Variants in ATXN1 observed in about 807,000 individuals in gnomAD.
The protein encoded by ATXN1 is ataxin-1.
ATXN1 carries 8 observed loss-of-function variants against 56.4 expected under a neutral mutation model. The observed-to-expected ratio is 0.14, with a 90% CI of 0.08 to 0.26. ATXN1 has a LOEUF of 0.26. Ranked by LOEUF, ATXN1 falls within the 10% of genes least tolerant of loss-of-function variation. The pLI, the probability that ATXN1 is intolerant of heterozygous loss-of-function variation, is 1.00. For missense variants in ATXN1, 987 were observed against 1,106.5 expected (o/e 0.89, Z 1.53); for synonymous variants, 514 against 494.6 (o/e 1.04, Z -0.52).
intron 6 of ATXN1, among the ~76,000 whole-genome samples, chr6:16,454,485 C>T (rs983222492): frequency 3.3e-5 from 5 of 152,204 alleles, no homozygotes; most frequent in African/African-American, 1.2e-4. Flanking sequence ...GCAATCCATA[C>T]TTGGATATAC....
At chr6:16,647,797 CG>C (rs1763825810) in intron 3 of ATXN1, among the ~76,000 whole-genome samples, 1 of 152,140 alleles carries the variant, frequency 6.6e-6, no homozygotes, top group African/African-American at 2.4e-5. Flanking sequence ...AAAATAAGGC[CG>C]GGCGCAGTGG....
At chr6:16,671,431 G>A (rs1322685002) in intron 2 of ATXN1, among the ~76,000 whole-genome samples, 1 of 151,950 alleles carries the variant, frequency 6.6e-6, no homozygotes, top group Non-Finnish European at 1.5e-5. Context: ...TAAGAAAGTG[G>A]GCCTCAGGAG....
intron 6 of ATXN1, among the ~76,000 whole-genome samples, chr6:16,474,722 G>GGA (rs10645263): frequency 0.27 from 40,867 of 151,842 alleles, 5,828 homozygotes; most frequent in African/African-American, 0.36. Context: ...GGTACCATTA[G>GGA]GAGAGAGCTG....
chr6:16,640,410 A>G (rs1385006816), intron 3 of ATXN1, among the ~76,000 whole-genome samples: 1 of 152,102 alleles, frequency 6.6e-6, no homozygotes, highest in Non-Finnish European at 1.5e-5. Flanking sequence ...TTGGCCAGGC[A>G]CGGGGGCTCA....
chr6:16,498,804 G>C (rs1760825209), intron 5 of ATXN1, among the ~76,000 whole-genome samples: 1 of 152,110 alleles, frequency 6.6e-6, no homozygotes, highest in South Asian at 2.1e-4. Flanking sequence ...ATCTTCTTTG[G>C]AGAAATCTCT....
intron 5 of ATXN1, among the ~76,000 whole-genome samples, chr6:16,489,448 C>T (rs1396790387): frequency 6.6e-6 from 1 of 152,134 alleles, no homozygotes; most frequent in Non-Finnish European, 1.5e-5. Context: ...TCTGTTCTTC[C>T]AATCCATTAC....
chr6:16,300,669 T>C lies in ATXN1; in HGVS notation c.*5660A>G, dbSNP rs1015459825. On this transcript the variant is annotated 3_prime_UTR_variant, in exon 8 of 8. Coordinates refer to ENST00000436367, the MANE Select transcript of ATXN1 (RefSeq NM_001128164.2). ...AGGTGTGGGGGGAAAGAAGGTGAAA[T>C]AATTTTTTTTTTTGTCCCCATAATG... The C allele has an allele frequency of 1.3e-5, 2 of 152,206 alleles. No homozygotes were observed. Among genetic ancestry groups the C allele is most frequent in the African/African-American group, 4.8e-5 (2 of 41,388 alleles). The allele number at this position is 152,206 out of a possible 1,614,324, so 9.4% of individuals were successfully genotyped here.
chr6:16,714,038 C>T (rs915347142), intron 2 of ATXN1, among the ~76,000 whole-genome samples: 3 of 152,020 alleles, frequency 2.0e-5, no homozygotes, highest in Admixed American at 6.6e-5. Flanking sequence ...CACCTCTAGT[C>T]CCAGCTACTT....
At chr6:16,310,209 A>G (rs1185186362) in intron 7 of ATXN1, among the ~76,000 whole-genome samples, 2 of 152,260 alleles carry the variant, frequency 1.3e-5, no homozygotes, top group African/African-American at 4.8e-5. Context: ...TGCTAAAGAA[A>G]AAGAATTGTC....
intron 6 of ATXN1, among the ~76,000 whole-genome samples, chr6:16,441,663 G>A (rs564082835): frequency 6.6e-6 from 1 of 152,246 alleles, no homozygotes; most frequent in African/African-American, 2.4e-5. Flanking sequence ...GAAATAGTTG[G>A]ATAGAGAGAG....
intron 4 of ATXN1, among the ~76,000 whole-genome samples, chr6:16,541,436 T>C (rs1300061600): frequency 6.6e-6 from 1 of 152,208 alleles, no homozygotes; most frequent in African/African-American, 2.4e-5. Context: ...GGAGCTCTTC[T>C]GTATTTGTTC....
At chr6:16,607,818 A>G (rs1166744950) in intron 3 of ATXN1, among the ~76,000 whole-genome samples, 2 of 152,204 alleles carry the variant, frequency 1.3e-5, no homozygotes, top group Admixed American at 1.3e-4. Flanking sequence ...ACAGGTCTGC[A>G]GGTCACAACA....
intron 6 of ATXN1, among the ~76,000 whole-genome samples, chr6:16,447,714 T>C (rs1759664073): frequency 6.6e-6 from 1 of 152,194 alleles, no homozygotes; most frequent in African/African-American, 2.4e-5. Flanking sequence ...GAACCAGCAC[T>C]TAGTAAGCAT....
intron 3 of ATXN1, among the ~76,000 whole-genome samples, chr6:16,626,420 C>T (rs1246496995): frequency 6.6e-6 from 1 of 152,044 alleles, no homozygotes; most frequent in Non-Finnish European, 1.5e-5. Context: ...GCCTCCCAAG[C>T]AGCTGGGATT....
rs1383182858 is a variant in ATXN1 at position 16,760,984 on chromosome 6, C to A, written c.-730+314G>T. ...GGGCGCCCACCCAGCCCCTGACAGC[C>A]CCCCCGCCGGCCGCCCCTGCGCCCA... On this transcript the variant is annotated intron_variant, in intron 1 of 7. Transcript: ENST00000436367. This position sits in a 1 kb window ranked among gnomAD's most constrained non-coding sequence, Gnocchi z 5.3. Among the ~76,000 whole-genome samples, 8 of 149,726 alleles carry A rather than the reference C, an allele frequency of 5.3e-5. No individual in the cohort carries two copies. Among genetic ancestry groups the A allele is most frequent in the South Asian group, 2.1e-4 (1 of 4,804 alleles).
intron 5 of ATXN1, among the ~76,000 whole-genome samples, chr6:16,508,109 G>A (rs1212952393): frequency 6.6e-6 from 1 of 152,050 alleles, no homozygotes; most frequent in South Asian, 2.1e-4. Context: ...TGTAACCAAC[G>A]AATATAGGAA....
At chr6:16,624,997 C>T (rs573732040) in intron 3 of ATXN1, among the ~76,000 whole-genome samples, 4 of 152,266 alleles carry the variant, frequency 2.6e-5, no homozygotes, top group Admixed American at 2.6e-4. Context: ...TTTGAACAGC[C>T]TAAGGTTCGG....
At chr6:16,347,112 AACCT>A (rs1335663662) in intron 6 of ATXN1, among the ~76,000 whole-genome samples, 3 of 152,168 alleles carry the variant, frequency 2.0e-5, no homozygotes, top group African/African-American at 7.2e-5. Flanking sequence ...GCCATGCCTG[AACCT>A]CCCCCTGCCC....
At chr6:16,392,075 C>T (rs1287524880) in intron 6 of ATXN1, among the ~76,000 whole-genome samples, 16 of 152,230 alleles carry the variant, frequency 1.1e-4, no homozygotes, top group Non-Finnish European at 2.1e-4. Flanking sequence ...CCAAAGGAAA[C>T]ATCAACTCTT....
Sources: gnomAD v4.1 joint callset for allele counts (sites outside exome capture counted in the v4.1 genomes callset) on GRCh38, gnomAD v4.1.1 for gene constraint, Gnocchi (gnomAD v3.1) non-coding constraint, MANE v1.5 for transcripts, NCBI Gene and HGNC (gene_info 2026-07-23, HGNC 2026-07-21) for gene names.